The following PPP1R12B variants were observed in gnomAD, a reference collection of about 807,000 sequenced individuals.
PPP1R12B encodes the protein myosin phosphatase target subunit 2.
PPP1R12B carries 76 observed loss-of-function variants against 126.1 expected under a neutral mutation model. The ratio of observed to expected loss-of-function variants is 0.60; its 90% CI spans 0.50 to 0.73. The LOEUF is 0.73. Ranked by LOEUF, PPP1R12B falls within the 30% of genes least tolerant of loss-of-function variation. The pLI, the probability that PPP1R12B is intolerant of heterozygous loss-of-function variation, is 0.00. For missense variants in PPP1R12B, 1,052 were observed against 1,205.1 expected (o/e 0.87, Z 1.88); for synonymous variants, 356 against 434.7 (o/e 0.82, Z 2.25).
intron 13 of PPP1R12B, among the ~76,000 whole-genome samples, chr1:202,487,859 T>C (rs1273732947): frequency 6.6e-6 from 1 of 152,098 alleles, no homozygotes; most frequent in African/African-American, 2.4e-5. Context: ...CCTCCCACCA[T>C]GGCCTCCCAA....
At chr1:202,464,360 C>G (rs1191614314) in intron 13 of PPP1R12B, among the ~76,000 whole-genome samples, 2 of 152,118 alleles carry the variant, frequency 1.3e-5, no homozygotes, top group Non-Finnish European at 2.9e-5. Flanking sequence ...ATCTTCTATG[C>G]CCATAAGATG....
chr1:202,459,281 G>A (rs1438294950), intron 13 of PPP1R12B, among the ~76,000 whole-genome samples: 1 of 152,122 alleles, frequency 6.6e-6, no homozygotes, highest in African/African-American at 2.4e-5. Flanking sequence ...GTTCCAGAAT[G>A]ATAAAGGATT....
intron 13 of PPP1R12B, among the ~76,000 whole-genome samples, chr1:202,482,037 C>T (rs1677455578): frequency 6.6e-6 from 1 of 151,916 alleles, no homozygotes; most frequent in South Asian, 2.1e-4. Context: ...TGATATCCTC[C>T]AGGTTCATCT....
At chr1:202,363,805 A>C (rs757021989) in intron 1 of PPP1R12B, among the ~76,000 whole-genome samples, 91 of 152,324 alleles carry the variant, frequency 6.0e-4, no homozygotes, top group Non-Finnish European at 1.2e-3. Flanking sequence ...TTTGTTGCCC[A>C]GGCTGGAGTG....
At chr1:202,400,740 A>T (rs1264958641) in intron 1 of PPP1R12B, among the ~76,000 whole-genome samples, 9 of 152,242 alleles carry the variant, frequency 5.9e-5, no homozygotes, top group Admixed American at 5.9e-4. Flanking sequence ...AATCTTCATA[A>T]TAATACTAAG....
At chr1:202,507,784 C>G (rs1680983860) in intron 18 of PPP1R12B, among the ~76,000 whole-genome samples, 1 of 152,174 alleles carries the variant, frequency 6.6e-6, no homozygotes, top group Non-Finnish European at 1.5e-5. Context: ...ATAATTGTTT[C>G]TCTTTCAGTT....
chr1:202,449,467 G>A (rs926217202), intron 13 of PPP1R12B, among the ~76,000 whole-genome samples: 2 of 151,582 alleles, frequency 1.3e-5, no homozygotes, highest in East Asian at 2.0e-4. Context: ...TAGTAGAGAC[G>A]GGGTTTCACC....
chr1:202,431,676 C>T (rs1670201659), intron 8 of PPP1R12B, 57 bp downstream of exon 8: 4 of 1,501,900 alleles, frequency 2.7e-6, no homozygotes, highest in African/African-American at 1.4e-5. Flanking sequence ...AAGAAGATTA[C>T]TCCTTGTCAG....
At chr1:202,515,102 T>C (rs188036655) in intron 18 of PPP1R12B, among the ~76,000 whole-genome samples, 1 of 152,246 alleles carries the variant, frequency 6.6e-6, no homozygotes, top group Non-Finnish European at 1.5e-5. Flanking sequence ...TGAGAACTTA[T>C]GAACACAAAG....
intron 8 of PPP1R12B, among the ~76,000 whole-genome samples, chr1:202,433,931 T>C (rs1233784932): frequency 6.6e-6 from 1 of 152,200 alleles, no homozygotes; most frequent in Non-Finnish European, 1.5e-5. Flanking sequence ...ATAACAGGCA[T>C]TCACATTCAT....
intron 4 of PPP1R12B, 90 bp from the exon 5 acceptor site, chr1:202,426,950 A>G (rs1258524371): frequency 1.3e-6 from 2 of 1,519,280 alleles, no homozygotes; most frequent in South Asian, 1.3e-5. Flanking sequence ...TTCAGGGCCA[A>G]AATCTGAAAT....
rs548243768 is a variant in PPP1R12B at position 202,582,337 on chromosome 1, T to G, written c.*1777T>G. ...ATCCAGTGCAAAATTAAACCATTAG[T>G]TCTTGATGATAACCTAGCATTAATA... On this transcript the variant is annotated 3_prime_UTR_variant, in exon 24 of 24. Transcript: ENST00000608999. The G allele has an allele frequency of 4.4e-4, 67 of 152,766 alleles. No homozygotes were observed. The highest frequency in any genetic ancestry group is 1.6e-3 in the African/African-American group (66 of 41,564). The allele number at this position is 152,766 out of a possible 1,614,324, so 9.5% of individuals were successfully genotyped here.
chr1:202,356,258 C>G (rs1354138805), intron 1 of PPP1R12B, among the ~76,000 whole-genome samples: 1 of 152,086 alleles, frequency 6.6e-6, no homozygotes, highest in East Asian at 1.9e-4. Flanking sequence ...ACTTTCCTAT[C>G]TATGCTCCAG....
intron 1 of PPP1R12B, among the ~76,000 whole-genome samples, chr1:202,401,081 C>T (rs963614048): frequency 1.1e-4 from 16 of 152,154 alleles, no homozygotes; most frequent in Non-Finnish European, 5.9e-5. Flanking sequence ...CAGCTATAGT[C>T]GTTGGTTTAG....
chr1:202,401,988 C>T (rs1665911433), intron 1 of PPP1R12B, among the ~76,000 whole-genome samples: 1 of 152,224 alleles, frequency 6.6e-6, no homozygotes, highest in African/African-American at 2.4e-5. Context: ...TCACCTAATT[C>T]TGAGCACCCT....
chr1:202,570,323 A>G (rs1688473082), intron 23 of PPP1R12B, among the ~76,000 whole-genome samples: 1 of 152,068 alleles, frequency 6.6e-6, no homozygotes, highest in Non-Finnish European at 1.5e-5. Flanking sequence ...AAAACTTTTT[A>G]AGACCTGTTG....
chr1:202,385,083 G>C (rs1162360287), intron 1 of PPP1R12B, among the ~76,000 whole-genome samples: 1 of 152,182 alleles, frequency 6.6e-6, no homozygotes, highest in Non-Finnish European at 1.5e-5. Context: ...TCCTGGTGAT[G>C]AGCTGCAAAA....
chr1:202,539,129 C>T (rs1437450777), intron 18 of PPP1R12B, among the ~76,000 whole-genome samples: 4 of 152,194 alleles, frequency 2.6e-5, no homozygotes, highest in South Asian at 2.1e-4. Context: ...TCTGTCTGGG[C>T]GTTGTTACTT....
rs573242604 is a variant in PPP1R12B at position 202,522,887 on chromosome 1, A to G, written c.2490+26065A>G. On this transcript the variant is annotated intron_variant, in intron 18 of 23. Transcript: ENST00000608999. ...TAAAATGACTCTAGATACTGAAAAT[A>G]TACTCTCAAAATATATAAAACAAAA... 7.2e-5 allele frequency among the ~76,000 whole-genome samples: 11 copies of G among 152,348 alleles called. No homozygotes were observed. In the South Asian group the frequency reaches 2.3e-3, roughly 32 times the overall value.
Sources: gnomAD v4.1 joint callset for allele counts (sites outside exome capture counted in the v4.1 genomes callset) on GRCh38, gnomAD v4.1.1 for gene constraint, MANE v1.5 for transcripts, NCBI Gene and HGNC (gene_info 2026-07-23, HGNC 2026-07-21) for gene names.